Variants in CAMKK1 observed in about 807,000 individuals in gnomAD.
CAMKK1 encodes calcium/calmodulin dependent protein kinase kinase 1, also known as calcium/calmodulin-dependent protein kinase kinase 1.
CAMKK1 carries 20 observed loss-of-function variants against 63.5 expected under a neutral mutation model. That is an observed-to-expected ratio of 0.32 (90% CI 0.22 to 0.46). CAMKK1 has a LOEUF of 0.46. Ranked by LOEUF, CAMKK1 falls within the 20% of genes least tolerant of loss-of-function variation. The probability of loss-of-function intolerance (pLI) is 1.00; values close to 1 mark genes in which losing one functional copy is unlikely to be tolerated. For missense variants in CAMKK1, 588 were observed against 658.1 expected, an observed-to-expected ratio of 0.89 and a Z score of 1.17; for synonymous variants, 253 against 269.0, an observed-to-expected ratio of 0.94 and a Z score of 0.58.
intron 12 of CAMKK1, among the ~76,000 whole-genome samples, chr17:3,872,114 G>A (rs1002930623): frequency 6.6e-6 from 1 of 152,200 alleles, no homozygotes; most frequent in African/African-American, 2.4e-5. Flanking sequence ...GAGGAAGAGT[G>A]GCTTGAGTCC....
chr17:3,882,981 C>A lies in CAMKK1; in HGVS notation c.648+61G>T. The A allele has an allele frequency of 1.3e-6, 2 of 1,596,474 alleles. No individual in the cohort carries two copies. Among genetic ancestry groups the A allele is most frequent in the Non-Finnish European group, 1.7e-6 (2 of 1,170,120 alleles). On this transcript the variant is annotated intron_variant, in intron 6 of 15. Coordinates refer to ENST00000348335, the MANE Select transcript of CAMKK1 (RefSeq NM_032294.3). This position sits in a 1 kb window ranked among gnomAD's most constrained non-coding sequence, Gnocchi z 4.3. ...GGTCTGTGCTAGGGGCTCCCCAGCA[C>A]CAGAAGCGGCTCCCATGAGACTCAG...
intron 1 of CAMKK1, among the ~76,000 whole-genome samples, chr17:3,888,696 G>A (rs1040321889): frequency 1.3e-5 from 2 of 152,234 alleles, no homozygotes; most frequent in South Asian, 2.1e-4. Flanking sequence ...GGCGGAAGGC[G>A]GCCGCGAGGG....
intron 12 of CAMKK1, 22 bp downstream of exon 12, chr17:3,872,532 T>C: frequency 6.2e-7 from 1 of 1,605,150 alleles, no homozygotes; most frequent in East Asian, 2.2e-5. Context: ...AGCCCCCTTG[T>C]TCCCCTGGGT....
intron 12 of CAMKK1, among the ~76,000 whole-genome samples, chr17:3,870,326 C>G (rs1004007013): frequency 2.6e-5 from 4 of 151,796 alleles, no homozygotes; most frequent in African/African-American, 9.7e-5. Flanking sequence ...GCAGCCCCCT[C>G]AGCGCCACAT....
At chr17:3,866,865 G>A (rs1482623604) in intron 14 of CAMKK1, among the ~76,000 whole-genome samples, 2 of 152,112 alleles carry the variant, frequency 1.3e-5, no homozygotes, top group Non-Finnish European at 2.9e-5. Flanking sequence ...GATTACAGGC[G>A]TCCACCACCA....
intron 1 of CAMKK1, among the ~76,000 whole-genome samples, chr17:3,888,213 G>T (rs994700659): frequency 1.3e-5 from 2 of 152,138 alleles, no homozygotes; most frequent in Admixed American, 6.6e-5. Flanking sequence ...GGCTGCCCGG[G>T]CCCATAAAAT....
At chr17:3,878,391 G>GT (rs1414737152) in intron 9 of CAMKK1, among the ~76,000 whole-genome samples, 1 of 152,202 alleles carries the variant, frequency 6.6e-6, no homozygotes, top group Non-Finnish European at 1.5e-5. Flanking sequence ...CAAGAACCAG[G>GT]TAAGATAAAC....
chr17:3,876,072 T>G (rs767547427), intron 10 of CAMKK1, 151 bp downstream of exon 10: 4 of 716,468 alleles, frequency 5.6e-6, no homozygotes, highest in African/African-American at 5.4e-5. Context: ...AAGGCCAAAG[T>G]TGTGGAGTTT....
chr17:3,890,482 C>G lies in CAMKK1; in HGVS notation c.-44+2457G>C, dbSNP rs940893230. On this transcript the variant is annotated intron_variant, in intron 1 of 15. Coordinates refer to ENST00000348335, the MANE Select transcript of CAMKK1 (RefSeq NM_032294.3). This position sits in a 1 kb window ranked among gnomAD's most constrained non-coding sequence, Gnocchi z 6.5. ...CTCTTTCCAGCTAGCTGCCACCTCC[C>G]CGTCCATGTTCCCGAGCAGCTCAGA... Among the ~76,000 whole-genome samples, 1 of 152,182 alleles carries G rather than the reference C, an allele frequency of 6.6e-6. No homozygotes were observed. The highest frequency in any genetic ancestry group is 6.5e-5 in the Admixed American group (1 of 15,284).
At chr17:3,880,100 C>T in intron 9 of CAMKK1, 2 of 542,942 alleles carry the variant, frequency 3.7e-6, no homozygotes, top group Non-Finnish European at 3.3e-6. Context: ...ACAGAACAGC[C>T]AGGACTCAGA....
Position 3,876,316 on chromosome 17 carries a change from C to T in CAMKK1, c.903G>A (p.Glu301=). The part of the protein sequence containing the change: ...IADFGVSNQF[E]GNDAQLSSTA... The stretch of plus-strand genomic sequence containing the variant: ...TGCTGGACAGCTGAGCGTCGTTCCC[C>T]TCAAACTGGTTGCTGACGCCAAAGT... Residue 301 remains glutamate (E), a synonymous_variant, in exon 10 of 16, where the codon GAG becomes GAA. Transcript: ENST00000348335. The T allele has an allele frequency of 6.2e-7, 1 of 1,614,262 alleles. No homozygotes were observed. Among genetic ancestry groups the T allele is most frequent in the Non-Finnish European group, 8.5e-7 (1 of 1,180,052 alleles).
At position 3,862,379 on chromosome 17, in the gene CAMKK1, A is replaced by G. The variant is rs999395822; in HGVS notation, c.1446-96T>C. ...ACACACACAGGAATCTGAATCCCACATCTCTCAAAGCCCCCTTCACCCACT... is the reference window on the plus strand; with the variant it reads ...ACACACACAGGAATCTGAATCCCACGTCTCTCAAAGCCCCCTTCACCCACT... On this transcript the variant is annotated intron_variant, in intron 15 of 15. Transcript: ENST00000348335. The surrounding 1 kb of genome is among the most constrained non-coding windows in gnomAD (Gnocchi z 4.1). 2.9e-6 allele frequency: 3 copies of G among 1,048,808 alleles called. No homozygotes were observed. The highest frequency in any genetic ancestry group is 4.3e-6 in the Non-Finnish European group (3 of 696,570). The allele number at this position is 1,048,808 out of a possible 1,614,324, so 65.0% of individuals were successfully genotyped here. A position where few individuals can be genotyped will look rare whatever the true frequency, so the allele number is the denominator to read the frequency against.
intron 1 of CAMKK1, among the ~76,000 whole-genome samples, chr17:3,888,749 T>C (rs1035296168): frequency 1.1e-4 from 16 of 151,868 alleles, no homozygotes; most frequent in Non-Finnish European, 2.2e-4. Flanking sequence ...CTGGATCAAA[T>C]TCAGGTGACT....
chr17:3,866,665 G>A (rs529451740), intron 14 of CAMKK1, among the ~76,000 whole-genome samples: 2 of 151,834 alleles, frequency 1.3e-5, no homozygotes, highest in African/African-American at 4.8e-5. Flanking sequence ...ACTGGGTGCT[G>A]GCCACTACTC....
At position 3,887,975 on chromosome 17, in the gene CAMKK1, ATG is replaced by A. The variant is rs2055729765; in HGVS notation, c.-43-2247_-43-2246del. Among the ~76,000 whole-genome samples, 1 of 152,158 alleles carries A rather than the reference ATG, an allele frequency of 6.6e-6. No homozygotes were observed. Among genetic ancestry groups the A allele is most frequent in the African/African-American group, 2.4e-5 (1 of 41,432 alleles). On this transcript the variant is annotated intron_variant, in intron 1 of 15. Coordinates refer to ENST00000348335, the MANE Select transcript of CAMKK1 (RefSeq NM_032294.3). This position sits in a 1 kb window ranked among gnomAD's most constrained non-coding sequence, Gnocchi z 6.1. ...CTCCAAAAGATCATCAGTGCCTGGC[ATG>A]TGATAGGAACTCGATAAATATTTGT...
Position 3,862,361 on chromosome 17 carries a change from C to G in CAMKK1, c.1446-78G>C, listed in dbSNP as rs2054358712. 2 of 1,188,448 alleles carry G rather than the reference C, an allele frequency of 1.7e-6. No homozygotes were observed. Among genetic ancestry groups the G allele is most frequent in the East Asian group, 5.1e-5 (2 of 38,902 alleles). The allele number at this position is 1,188,448 out of a possible 1,614,324, so 73.6% of individuals were successfully genotyped here. On this transcript the variant is annotated intron_variant, in intron 15 of 15. Coordinates refer to ENST00000348335, the MANE Select transcript of CAMKK1 (RefSeq NM_032294.3). The surrounding 1 kb of genome is among the most constrained non-coding windows in gnomAD (Gnocchi z 4.1). ...AGGGAGACACTCTCCCTCACACACACAGGAATCTGAATCCCACATCTCTCA... is the reference window on the plus strand; with the variant it reads ...AGGGAGACACTCTCCCTCACACACAGAGGAATCTGAATCCCACATCTCTCA...
intron 10 of CAMKK1, among the ~76,000 whole-genome samples, chr17:3,874,468 T>C (rs1283504271): frequency 6.6e-6 from 1 of 152,142 alleles, no homozygotes; most frequent in Non-Finnish European, 1.5e-5. Context: ...GCCTCCTGGG[T>C]TCGAACGATT....
intron 14 of CAMKK1, among the ~76,000 whole-genome samples, chr17:3,867,497 T>A (rs2054578728): frequency 6.6e-6 from 1 of 151,746 alleles, no homozygotes; most frequent in African/African-American, 2.4e-5. Context: ...GGGTGCTGAG[T>A]TGAGCATTGA....
chr17:3,885,030 G>A (rs2055582685), intron 2 of CAMKK1, among the ~76,000 whole-genome samples: 1 of 152,210 alleles, frequency 6.6e-6, no homozygotes, highest in South Asian at 2.1e-4. Flanking sequence ...TAGGGGGGAA[G>A]GGGGACATAG....
Sources: allele counts gnomAD v4.1 joint callset (sites outside exome capture counted in the v4.1 genomes callset), GRCh38; gene constraint gnomAD v4.1.1; non-coding constraint Gnocchi (gnomAD v3.1); transcripts MANE v1.5; gene names NCBI Gene and HGNC (gene_info 2026-07-23, HGNC 2026-07-21).